Variants in PDE3A observed in about 807,000 individuals in gnomAD.
The protein encoded by PDE3A is cGMP-inhibited 3',5'-cyclic phosphodiesterase 3A.
Under a neutral mutation model 98.3 loss-of-function variants are expected in PDE3A, and 43 were observed. The ratio of observed to expected loss-of-function variants is 0.44; its 90% confidence interval spans 0.34 to 0.56. PDE3A has a LOEUF of 0.56. PDE3A is among the 20% of genes least tolerant of loss of function. The pLI is 0.01. For synonymous variants in PDE3A, 663 were observed against 567.9 expected (o/e 1.17, Z -2.38); for missense variants, 1,427 against 1,440.7 (o/e 0.99, Z 0.15).
At chr12:20,440,890 A>G (rs1944859544) in intron 1 of PDE3A, among the ~76,000 whole-genome samples, 1 of 145,428 alleles carries the variant, frequency 6.9e-6, no homozygotes, top group Non-Finnish European at 1.5e-5. Flanking sequence ...GAATGACTTC[A>G]CCTATCTCAC....
chr12:20,608,803 A>ATTTTGTATACTGAGAACATTT (rs1159276452), intron 2 of PDE3A, among the ~76,000 whole-genome samples: 1 of 152,022 alleles, frequency 6.6e-6, no homozygotes, highest in Non-Finnish European at 1.5e-5. Context: ...AGATTTGTAG[A>ATTTTGTATACTGAGAACATTT]TTTTGTATAC....
chr12:20,477,953 G>T (rs1945558047), intron 1 of PDE3A, among the ~76,000 whole-genome samples: 1 of 152,098 alleles, frequency 6.6e-6, no homozygotes, highest in Non-Finnish European at 1.5e-5. Flanking sequence ...CGCATCTTCT[G>T]CCAGAAGCCA....
chr12:20,522,438 A>C (rs1247459435), intron 1 of PDE3A, among the ~76,000 whole-genome samples: 2 of 152,166 alleles, frequency 1.3e-5, no homozygotes, highest in Non-Finnish European at 2.9e-5. Flanking sequence ...ACTACTGCAA[A>C]AGACAGATAA....
chr12:20,439,636 A>C (rs1457968773), intron 1 of PDE3A, among the ~76,000 whole-genome samples: 1 of 152,154 alleles, frequency 6.6e-6, no homozygotes, highest in African/African-American at 2.4e-5. Flanking sequence ...GGTGTCTGCT[A>C]AGTTTTTATT....
intron 1 of PDE3A, among the ~76,000 whole-genome samples, chr12:20,452,280 A>G (rs1945078644): frequency 6.6e-6 from 1 of 152,238 alleles, no homozygotes; most frequent in Admixed American, 6.5e-5. Flanking sequence ...TATAGCAATC[A>G]TACCTAATGA....
intron 15 of PDE3A, among the ~76,000 whole-genome samples, chr12:20,668,645 G>T (rs1414216142): frequency 1.8e-4 from 28 of 151,914 alleles, no homozygotes; most frequent in African/African-American, 6.3e-4. Context: ...GGTCCTGTCT[G>T]TTAGAAGGAA....
chr12:20,397,349 C>G (rs1180039131), intron 1 of PDE3A, among the ~76,000 whole-genome samples: 1 of 151,776 alleles, frequency 6.6e-6, no homozygotes, highest in Admixed American at 6.6e-5. Flanking sequence ...TGTTTATATA[C>G]CTTTGTTAAT....
chr12:20,484,479 G>A (rs929655613), intron 1 of PDE3A, among the ~76,000 whole-genome samples: 6 of 152,056 alleles, frequency 3.9e-5, no homozygotes, highest in Admixed American at 2.0e-4. Context: ...GTGATTTTTG[G>A]CGTATCTGTG....
intron 1 of PDE3A, among the ~76,000 whole-genome samples, chr12:20,440,571 A>G (rs890197770): frequency 2.0e-5 from 3 of 152,188 alleles, no homozygotes; most frequent in South Asian, 2.1e-4. Flanking sequence ...CTATTTCTCA[A>G]TAAGTCACAT....
chr12:20,556,825 T>C, intron 2 of PDE3A, 115 bp downstream of exon 2: 1 of 775,074 alleles, frequency 1.3e-6, no homozygotes, highest in South Asian at 1.5e-5. Flanking sequence ...AAAATAACCA[T>C]GCCATTTGTT....
intron 6 of PDE3A, among the ~76,000 whole-genome samples, chr12:20,631,548 G>A (rs983749421): frequency 6.6e-6 from 1 of 152,130 alleles, no homozygotes; most frequent in Admixed American, 6.5e-5. Flanking sequence ...AAGCCCAGTG[G>A]AGTAATCTTC....
intron 1 of PDE3A, among the ~76,000 whole-genome samples, chr12:20,530,658 T>A (rs1946608643): frequency 6.6e-6 from 1 of 152,056 alleles, no homozygotes; most frequent in Non-Finnish European, 1.5e-5. Flanking sequence ...TAAGAATTGG[T>A]GCTATGGAAA....
chr12:20,394,881 C>G (rs988810599), intron 1 of PDE3A, among the ~76,000 whole-genome samples: 6 of 151,956 alleles, frequency 3.9e-5, no homozygotes, highest in African/African-American at 1.4e-4. Context: ...GGTAAACATC[C>G]TACAGTTCAG....
intron 1 of PDE3A, among the ~76,000 whole-genome samples, chr12:20,434,692 C>T (rs1266447142): frequency 1.3e-5 from 2 of 152,082 alleles, no homozygotes; most frequent in Non-Finnish European, 2.9e-5. Flanking sequence ...GCTGACTGAG[C>T]TAAGATCTAG....
chr12:20,592,684 C>T (rs753752758), intron 2 of PDE3A, among the ~76,000 whole-genome samples: 4 of 152,112 alleles, frequency 2.6e-5, no homozygotes, highest in Non-Finnish European at 4.4e-5. Context: ...CTTCAGTACT[C>T]CTTTATGTTC....
chr12:20,527,828 G>A (rs1392369821), intron 1 of PDE3A, among the ~76,000 whole-genome samples: 1 of 150,164 alleles, frequency 6.7e-6, no homozygotes, highest in East Asian at 2.0e-4. Flanking sequence ...CCATTATATT[G>A]TTATTTTACT....
intron 1 of PDE3A, among the ~76,000 whole-genome samples, chr12:20,403,144 G>A (rs139007207): frequency 2.0e-3 from 305 of 152,028 alleles, no homozygotes; most frequent in African/African-American, 6.6e-3. Flanking sequence ...ATTTTTTCTT[G>A]CTTGCTCAAG....
intron 10 of PDE3A, among the ~76,000 whole-genome samples, chr12:20,643,239 A>G (rs1944687415): frequency 1.3e-5 from 2 of 152,216 alleles, no homozygotes; most frequent in Admixed American, 6.5e-5. Flanking sequence ...GGATAAAATA[A>G]GGATAGCTCT....
intron 15 of PDE3A, among the ~76,000 whole-genome samples, chr12:20,661,056 T>C (rs1242239029): frequency 2.6e-5 from 4 of 152,144 alleles, no homozygotes; most frequent in African/African-American, 4.8e-5. Context: ...GATAGTGATA[T>C]GAACAATGAA....
Sources: allele counts gnomAD v4.1 joint callset (sites outside exome capture counted in the v4.1 genomes callset), GRCh38; gene constraint gnomAD v4.1.1; transcripts MANE v1.5; gene names NCBI Gene and HGNC (gene_info 2026-07-23, HGNC 2026-07-21).